Variants in ADAM32 observed in about 807,000 individuals in gnomAD.
The protein encoded by ADAM32 is disintegrin and metalloproteinase domain-containing protein 32.
Under a neutral mutation model 114.9 loss-of-function variants are expected in ADAM32, and 89 were observed. The ratio of observed to expected loss-of-function variants is 0.77; its 90% CI spans 0.65 to 0.92. The LOEUF (loss-of-function observed/expected upper bound fraction) is 0.92. Ranked by LOEUF, ADAM32 falls within the 40% of genes least tolerant of loss-of-function variation. ADAM32 has a pLI of 0.00. For missense variants in ADAM32, 870 were observed against 932.8 expected, an observed-to-expected ratio of 0.93 and a Z score of 0.88; for synonymous variants, 285 against 307.5, an observed-to-expected ratio of 0.93 and a Z score of 0.77.
rs371205543 is a variant in ADAM32 at position 39,165,164 on chromosome 8, C to T, written c.801C>T (p.Asn267=). Residue 267 remains asparagine (N), a synonymous_variant, in exon 9 of 25, where the codon AAC becomes AAT. Coordinates refer to ENST00000379907, the MANE Select transcript of ADAM32 (RefSeq NM_145004.7). ...KFLEWKQSYL[N]LRPHDIAYLL... ...TAGAATGGAAACAATCTTATCTTAA[C>T]CTAAGGCCTCATGATATTGCATATC... The T allele has an allele frequency of 1.4e-5, 23 of 1,588,318 alleles. No homozygotes were observed. The highest frequency in any genetic ancestry group is 1.3e-4 in the East Asian group (6 of 44,522).
chr8:39,233,451 G>T (rs1249679314), intron 15 of ADAM32, among the ~76,000 whole-genome samples: 1 of 152,146 alleles, frequency 6.6e-6, no homozygotes, highest in Non-Finnish European at 1.5e-5. Context: ...TATAATTAGA[G>T]TATAATGAGC....
chr8:39,178,469 T>C (rs960197636), intron 10 of ADAM32, among the ~76,000 whole-genome samples: 1 of 152,226 alleles, frequency 6.6e-6, no homozygotes, highest in African/African-American at 2.4e-5. Context: ...CATTCTCCTT[T>C]AGCTCAACAA....
Position 39,161,060 on chromosome 8 carries a change from C to T in ADAM32, c.594+95C>T, listed in dbSNP as rs374537005. 792 of 1,133,628 alleles carry T rather than the reference C, an allele frequency of 7.0e-4. 2 individuals carry two copies. The highest frequency in any genetic ancestry group is 2.0e-3 in the Admixed American group (67 of 32,932). 70.2% of individuals were successfully genotyped at this position (1,133,628 alleles called of 1,614,324 possible). A position where few individuals can be genotyped will look rare whatever the true frequency, so the allele number is the denominator to read the frequency against. Reference sequence around the variant, plus strand: ...ACAGAAACTAAAAGATTCCAATGTTCTTACTCACATGTCATAGAGACAATA... The same window carrying T: ...ACAGAAACTAAAAGATTCCAATGTTTTTACTCACATGTCATAGAGACAATA... On this transcript the variant is annotated intron_variant, in intron 7 of 24. Coordinates refer to ENST00000379907, the MANE Select transcript of ADAM32 (RefSeq NM_145004.7).
At chr8:39,218,784 G>A (rs1808757010) in intron 12 of ADAM32, among the ~76,000 whole-genome samples, 1 of 152,082 alleles carries the variant, frequency 6.6e-6, no homozygotes, top group African/African-American at 2.4e-5. Flanking sequence ...TCTGTCCCAG[G>A]ACAGGTCCAG....
At chr8:39,116,627 A>C (rs1011769785) in intron 1 of ADAM32, among the ~76,000 whole-genome samples, 7 of 152,138 alleles carry the variant, frequency 4.6e-5, no homozygotes, top group Non-Finnish European at 8.8e-5. Context: ...CAGATCTAGG[A>C]GCCTTTGGGC....
chr8:39,277,826 C>G (rs1256529269), intron 22 of ADAM32, among the ~76,000 whole-genome samples: 2 of 152,240 alleles, frequency 1.3e-5, no homozygotes, highest in African/African-American at 4.8e-5. Flanking sequence ...CCGAAAACCC[C>G]AGAGGGCGTG....
chr8:39,161,707 G>T (rs1804517523), intron 7 of ADAM32, among the ~76,000 whole-genome samples: 1 of 152,078 alleles, frequency 6.6e-6, no homozygotes. Context: ...CTATTCCTAG[G>T]GTTTAGAGCT....
intron 1 of ADAM32, among the ~76,000 whole-genome samples, chr8:39,117,040 T>G (rs958851203): frequency 3.3e-5 from 5 of 152,068 alleles, no homozygotes; most frequent in Admixed American, 1.3e-4. Context: ...CATGCCACCA[T>G]GCCCGGCCAA....
chr8:39,170,401 T>C (rs1805115861), intron 10 of ADAM32, among the ~76,000 whole-genome samples: 1 of 152,044 alleles, frequency 6.6e-6, no homozygotes, highest in Non-Finnish European at 1.5e-5. Flanking sequence ...GTTTCAGAAC[T>C]CTGAAAGACA....
intron 19 of ADAM32, among the ~76,000 whole-genome samples, chr8:39,259,409 A>G (rs73608636): frequency 0.28 from 41,944 of 151,462 alleles, 6,065 homozygotes; most frequent in African/African-American, 0.36. Flanking sequence ...CCATGTCAGC[A>G]GCTGCTCTCA....
At chr8:39,123,969 A>T (rs1302451699) in intron 2 of ADAM32, among the ~76,000 whole-genome samples, 2 of 150,398 alleles carry the variant, frequency 1.3e-5, no homozygotes, top group African/African-American at 4.9e-5. Context: ...AGCCTCTCAA[A>T]GTGCTGGGAT....
intron 19 of ADAM32, among the ~76,000 whole-genome samples, chr8:39,268,584 GT>G (rs1400749509): frequency 6.6e-6 from 1 of 152,090 alleles, no homozygotes; most frequent in African/African-American, 2.4e-5. Flanking sequence ...TAGAGCAAAT[GT>G]TTTAAATGTT....
chr8:39,165,140 A>G lies in ADAM32; in HGVS notation c.777A>G (p.Leu259=), dbSNP rs764199856. The G allele has an allele frequency of 6.2e-7, 1 of 1,602,942 alleles. No homozygotes were observed. The highest frequency in any genetic ancestry group is 1.1e-5 in the South Asian group (1 of 90,464). The change falls in exon 9 of 25, where the codon TTA becomes TTG. Residue 259 remains leucine, a synonymous_variant. Coordinates refer to ENST00000379907, the MANE Select transcript of ADAM32 (RefSeq NM_145004.7). ...CAGATGAATTATTGCAAAAATTTTTAGAATGGAAACAATCTTATCTTAACC... is the reference window on the plus strand; with the variant it reads ...CAGATGAATTATTGCAAAAATTTTTGGAATGGAAACAATCTTATCTTAACC... ...GEADELLQKF[L]EWKQSYLNLR... is the part of the protein sequence containing the mutation.
chr8:39,248,995 C>T (rs1811112801), intron 17 of ADAM32, among the ~76,000 whole-genome samples: 1 of 151,688 alleles, frequency 6.6e-6, no homozygotes, highest in Non-Finnish European at 1.5e-5. Context: ...CTCTGCCTCC[C>T]AGGTTCACGC....
intron 10 of ADAM32, among the ~76,000 whole-genome samples, chr8:39,180,188 T>C (rs973837402): frequency 1.3e-5 from 2 of 152,316 alleles, no homozygotes; most frequent in East Asian, 3.9e-4. Flanking sequence ...GGGCGTGGGC[T>C]TGGCGGGCCC....
intron 14 of ADAM32, among the ~76,000 whole-genome samples, chr8:39,229,859 A>G (rs1809622867): frequency 6.6e-6 from 1 of 152,204 alleles, no homozygotes; most frequent in South Asian, 2.1e-4. Flanking sequence ...ACAGATATAT[A>G]CAGAACATTT....
At chr8:39,148,431 A>G (rs1803635403) in intron 4 of ADAM32, among the ~76,000 whole-genome samples, 1 of 151,050 alleles carries the variant, frequency 6.6e-6, no homozygotes, top group African/African-American at 2.4e-5. Flanking sequence ...GTCGTTGACT[A>G]ACCCCTACTT....
At chr8:39,207,934 A>G (rs984097272) in intron 11 of ADAM32, among the ~76,000 whole-genome samples, 1 of 152,184 alleles carries the variant, frequency 6.6e-6, no homozygotes, top group African/African-American at 2.4e-5. Flanking sequence ...ATAATATTCC[A>G]TTTATATATA....
intron 23 of ADAM32, among the ~76,000 whole-genome samples, chr8:39,281,828 T>C (rs1038192964): frequency 6.6e-6 from 1 of 152,192 alleles, no homozygotes; most frequent in African/African-American, 2.4e-5. Flanking sequence ...TGCCTAGTAT[T>C]TTTCCTTAAA....
Sources: allele counts gnomAD v4.1 joint callset (sites outside exome capture counted in the v4.1 genomes callset), GRCh38; gene constraint gnomAD v4.1.1; transcripts MANE v1.5; gene names NCBI Gene and HGNC (gene_info 2026-07-23, HGNC 2026-07-21).